The following C5orf34 variants were observed in gnomAD, a reference collection of about 807,000 sequenced individuals.
C5orf34 encodes the protein chromosome 5 open reading frame 34, also known as uncharacterized protein C5orf34.
Under a neutral mutation model 78.4 loss-of-function variants are expected in C5orf34, and 73 were observed. The ratio of observed to expected loss-of-function variants is 0.93; its 90% CI spans 0.77 to 1.13. The LOEUF (loss-of-function observed/expected upper bound fraction) is 1.13. Among genes scored for constraint, C5orf34 ranks in the 50% most tolerant of loss-of-function variants. The pLI is 0.00. For missense variants in C5orf34, 730 were observed against 732.7 expected, an observed-to-expected ratio of 1.00 and a Z score of 0.04; for synonymous variants, 251 against 246.6, an observed-to-expected ratio of 1.02 and a Z score of -0.17.
chr5:43,514,195 C>T (rs1421438477), intron 1 of C5orf34: 1 of 152,188 alleles, frequency 6.6e-6, no homozygotes, highest in Non-Finnish European at 1.5e-5. Flanking sequence ...TTTTTCAGGC[C>T]ATAGACTCTC....
intron 7 of C5orf34, 116 bp downstream of exon 7, chr5:43,494,394 G>A (rs1046583447): frequency 5.6e-5 from 30 of 539,108 alleles, no homozygotes; most frequent in African/African-American, 3.3e-4. Context: ...AAATTTTACC[G>A]AAGGCATATA....
In C5orf34 at chr5:43,506,188, T is replaced by C. The variant is rs1561215520; in HGVS notation, c.492A>G (p.Thr164=). The change falls in exon 4 of 13, where the codon ACA becomes ACG. Residue 164 remains threonine (T), a synonymous_variant. Coordinates refer to ENST00000306862, the MANE Select transcript of C5orf34 (RefSeq NM_198566.4). ...KSDSSAVLSE[T]NNKAPKDKLV... is the part of the protein sequence containing the mutation. The stretch of plus-strand genomic sequence containing the variant: ...GTTTATCTTTTGGGGCTTTATTATT[T>C]GTTTCTGACAACACTGCAGATGAGT... The C allele has an allele frequency of 6.2e-7, 1 of 1,614,208 alleles. No homozygotes were observed. The highest frequency in any genetic ancestry group is 1.7e-5 in the Admixed American group (1 of 60,018).
In C5orf34 at chr5:43,493,552, G is replaced by A; in HGVS notation, c.1305C>T (p.Cys435=). The change falls in exon 8 of 13, where the codon TGC becomes TGT. Residue 435 remains cysteine, a synonymous_variant. Coordinates refer to ENST00000306862, the MANE Select transcript of C5orf34 (RefSeq NM_198566.4). ...AATAATTTTAACATACCATTTTCCA[G>A]CAGCATATACGATAGTTATGGCTTA... ...LSLSHNYRIC[C]WKMVPGINDS... The A allele has an allele frequency of 1.3e-6, 2 of 1,545,522 alleles. No homozygotes were observed. Among genetic ancestry groups the A allele is most frequent in the Non-Finnish European group, 1.8e-6 (2 of 1,129,702 alleles).
chr5:43,494,527 T>TA lies in C5orf34; in HGVS notation c.1226dup (p.Ile410AsnfsTer2). On this transcript the variant is annotated frameshift_variant, in exon 7 of 13. Transcript: ENST00000306862. LOFTEE classifies it high-confidence loss of function. ...GAACTTACCTTGTTGCCTGTTTAAT[T>TA]AGAGAACCGACAGTGAATGGACTTC... 6.2e-7 allele frequency: 1 copy of TA among 1,604,960 alleles called. No homozygotes were observed.
intron 3 of C5orf34, among the ~76,000 whole-genome samples, chr5:43,506,835 A>G (rs1746004515): frequency 6.6e-6 from 1 of 152,116 alleles, no homozygotes; most frequent in African/African-American, 2.4e-5. Context: ...AAAAAAAGCA[A>G]CCATAGCTTA....
intron 9 of C5orf34, 142 bp from the exon 10 acceptor site, chr5:43,492,451 A>G: frequency 1.5e-6 from 1 of 646,562 alleles, no homozygotes; most frequent in Non-Finnish European, 2.7e-6. Context: ...TACATGAGAT[A>G]TGGGTGTTAT....
intron 1 of C5orf34, among the ~76,000 whole-genome samples, chr5:43,513,064 G>A (rs1746343370): frequency 6.6e-6 from 1 of 152,068 alleles, no homozygotes; most frequent in African/African-American, 2.4e-5. Flanking sequence ...TTACAGGCGT[G>A]AGCCACCGCA....
chr5:43,499,367 G>C (rs1442214686), intron 6 of C5orf34, among the ~76,000 whole-genome samples: 1 of 152,112 alleles, frequency 6.6e-6, no homozygotes, highest in Non-Finnish European at 1.5e-5. Context: ...TGTTTCTGGA[G>C]CCTCAAACAC....
At chr5:43,491,495 T>A (rs144948180) in intron 10 of C5orf34, among the ~76,000 whole-genome samples, 1 of 152,350 alleles carries the variant, frequency 6.6e-6, no homozygotes, top group African/African-American at 2.4e-5. Flanking sequence ...AGCTGAAGAC[T>A]CTTCCCCATT....
In C5orf34 at chr5:43,492,299, C is replaced by A. The variant is rs771159760; in HGVS notation, c.1496G>T (p.Gly499Val). ...SPIEKRQVNQGLNLGWCKLTF... is the reference protein window; with the variant it reads ...SPIEKRQVNQVLNLGWCKLTF... Reference sequence around the variant, plus strand: ...TAACTTACACCAACCTAAGTTAAGACCTTGATTTACCTGAAGAAGTAGAAA... The same window carrying A: ...TAACTTACACCAACCTAAGTTAAGAACTTGATTTACCTGAAGAAGTAGAAA... The change falls in exon 10 of 13, where the codon GGT (glycine) becomes GTT (valine). Residue 499 changes from glycine (G) to valine (V), a missense_variant. Coordinates refer to ENST00000306862, the MANE Select transcript of C5orf34 (RefSeq NM_198566.4). 26 of 1,595,034 alleles carry A rather than the reference C, an allele frequency of 1.6e-5. No homozygotes were observed. The highest frequency in any genetic ancestry group is 2.1e-5 in the Non-Finnish European group (24 of 1,167,496).
At position 43,509,192 on chromosome 5, in the gene C5orf34, G is replaced by T; in HGVS notation, c.148C>A (p.Pro50Thr). The change falls in exon 2 of 13, where the codon CCA (proline) becomes ACA (threonine). Residue 50 changes from proline (P) to threonine (T), a missense_variant. Physicochemically the swap from Pro to Thr is conservative, Grantham distance 38. Transcript: ENST00000306862. ...TGTGTCCTTTGACGAATTCTTTCTG[G>T]TTGTTCTAAAGGATGTGCTGAAACA... ...PPVSAHPLEQPERIRQRTHFV... is the reference protein window; with the variant it reads ...PPVSAHPLEQTERIRQRTHFV... 1 of 1,613,854 alleles carries T rather than the reference G, an allele frequency of 6.2e-7. No individual in the cohort carries two copies. Among genetic ancestry groups the T allele is most frequent in the Non-Finnish European group, 8.5e-7 (1 of 1,179,920 alleles).
intron 3 of C5orf34, 59 bp downstream of exon 3, chr5:43,508,518 C>A: frequency 1.0e-6 from 1 of 981,478 alleles, no homozygotes; most frequent in Non-Finnish European, 1.6e-6. Context: ...TATTAAATTA[C>A]CTGTTTCTAG....
Position 43,509,203 on chromosome 5 carries a change from G to T in C5orf34, c.137C>A (p.Pro46His). 3.7e-6 allele frequency: 6 copies of T among 1,614,136 alleles called. No individual in the cohort carries two copies. Among genetic ancestry groups the T allele is most frequent in the Non-Finnish European group, 5.1e-6 (6 of 1,180,002 alleles). ...FEKSPPVSAHPLEQPERIRQR... is the reference protein window; with the variant it reads ...FEKSPPVSAHHLEQPERIRQR... ...ACGAATTCTTTCTGGTTGTTCTAAA[G>T]GATGTGCTGAAACAGGTGGTGACTT... The change falls in exon 2 of 13, where the codon CCT (proline) becomes CAT (histidine). Residue 46 changes from proline to histidine, a missense_variant. Coordinates refer to ENST00000306862, the MANE Select transcript of C5orf34 (RefSeq NM_198566.4).
intron 6 of C5orf34, chr5:43,495,051 T>G: frequency 6.9e-7 from 1 of 1,445,784 alleles, no homozygotes; most frequent in South Asian, 1.1e-5. Context: ...AAGAGTTGGG[T>G]GGCAGGTATT....
rs1340043088 is a variant in C5orf34, at chr5:43,492,806, A to T, written c.1399T>A (p.Ser467Thr). 1 of 1,613,100 alleles carries T rather than the reference A, an allele frequency of 6.2e-7. No individual in the cohort carries two copies. The change falls in exon 9 of 13, where the codon TCT (serine) becomes ACT (threonine). Residue 467 changes from serine (S) to threonine (T), a missense_variant. Transcript: ENST00000306862. ...IPSVGRFLAY[S>T]DDKVHAIFLD... ...AAGATAGCATGTACTTTGTCATCAGAGTAGGCAAGAAATCTTCCCACACTG... is the reference window on the plus strand; with the variant it reads ...AAGATAGCATGTACTTTGTCATCAGTGTAGGCAAGAAATCTTCCCACACTG...
chr5:43,487,187 T>C (rs1412162684), intron 12 of C5orf34, 76 bp from the exon 13 acceptor site: 2 of 672,452 alleles, frequency 3.0e-6, no homozygotes, highest in East Asian at 6.4e-5. Context: ...AAGCATAGGC[T>C]TCATATTAAA....
intron 6 of C5orf34, chr5:43,495,706 C>T (rs1387020678): frequency 5.7e-6 from 9 of 1,578,520 alleles, no homozygotes; most frequent in Non-Finnish European, 7.8e-6. Flanking sequence ...TGTAGACATC[C>T]TGGAGAGGCA....
chr5:43,505,525 C>G (rs1298931811), intron 4 of C5orf34: 1 of 469,730 alleles, frequency 2.1e-6, no homozygotes, highest in African/African-American at 2.0e-5. Context: ...CTGGACTTAG[C>G]ACAGTATCTA....
intron 10 of C5orf34, among the ~76,000 whole-genome samples, chr5:43,491,339 T>G (rs571937595): frequency 6.6e-6 from 1 of 152,042 alleles, no homozygotes; most frequent in South Asian, 2.1e-4. Context: ...TGAAACACAA[T>G]AAAACCCAAC....
Sources: allele counts gnomAD v4.1 joint callset (sites outside exome capture counted in the v4.1 genomes callset), GRCh38; gene constraint gnomAD v4.1.1; transcripts MANE v1.5; gene names NCBI Gene and HGNC (gene_info 2026-07-23, HGNC 2026-07-21).